Variants in PNMA6E observed in about 807,000 individuals in gnomAD.
The protein encoded by PNMA6E is paraneoplastic antigen Ma6E.
For missense variants in PNMA6E, 78 were observed against 50.8 expected, an observed-to-expected ratio of 1.53 and a Z score of -1.63; for synonymous variants, 43 against 17.1, an observed-to-expected ratio of 2.52 and a Z score of -3.74.
chrX:153,407,553 G>A, the PNMA6E span, among the ~76,000 whole-genome samples: 74 of 111,027 alleles, frequency 6.7e-4, no homozygotes, highest in Admixed American at 6.0e-3. Flanking sequence ...TTTATGTTTT[G>A]TAGAGATGGG....
At position 153,397,097 on chromosome X, in the gene PNMA6E, G is replaced by A. The variant is rs1490573962; in HGVS notation, c.1753C>T (p.Arg585Trp). ...AACACCCAGACAGCACTGCTCATCC[G>A]GGCTGGGGAGGAGCCCCAGGGGACC... ...IEVPWGSSPA[R>W]MSSAVWVFPR... Residue 585 changes from arginine (R) to tryptophan (W), a missense_variant, in exon 2 of 2, where the codon CGG becomes TGG. By Grantham distance (101) the Arg-to-Trp change is moderately radical. Transcript: ENST00000445091. 17 of 296,990 alleles carry A rather than the reference G, an allele frequency of 5.7e-5. No homozygotes were observed. Among genetic ancestry groups the A allele is most frequent in the South Asian group, 2.0e-4 (1 of 4,949 alleles). The allele number at this position is 296,990 out of a possible 1,213,427, so 24.5% of individuals were successfully genotyped here.
At chrX:153,411,728 G>A in the PNMA6E span, among the ~76,000 whole-genome samples, 1 of 113,061 alleles carries the variant, frequency 8.8e-6, no homozygotes, top group Non-Finnish European at 1.9e-5. Flanking sequence ...CTGGGCCGCA[G>A]GGGTGCGGGT....
upstream of PNMA6E, among the ~76,000 whole-genome samples, chrX:153,402,157 T>C (rs1202002819): frequency 9.0e-6 from 1 of 111,533 alleles, no homozygotes; most frequent in African/African-American, 3.3e-5. Flanking sequence ...GGCAGGAGTG[T>C]TAAAATCTCC....
chrX:153,405,770 C>T (rs964730755), upstream of PNMA6E, among the ~76,000 whole-genome samples: 54 of 111,214 alleles, frequency 4.9e-4, no homozygotes, highest in African/African-American at 1.7e-3. Context: ...ATCCCTCAGC[C>T]CCAATTAAGT....
At chrX:153,401,034 C>T in intron 1 of PNMA6E, among the ~76,000 whole-genome samples, 1 of 110,043 alleles carries the variant, frequency 9.1e-6, no homozygotes, top group Non-Finnish European at 1.9e-5. Context: ...CCGAGGGGGC[C>T]TTCCTTGGCG....
At chrX:153,412,323 G>A in the PNMA6E span, among the ~76,000 whole-genome samples, 54 of 112,367 alleles carry the variant, frequency 4.8e-4, no homozygotes, top group Admixed American at 4.9e-3. Context: ...GGCACCCAGC[G>A]CTTCCCTACA....
chrX:153,410,133 G>A, the PNMA6E span, among the ~76,000 whole-genome samples: 1 of 110,955 alleles, frequency 9.0e-6, no homozygotes, highest in Non-Finnish European at 1.9e-5. Flanking sequence ...CAGCTTCTGG[G>A]GGCCCTGGGC....
upstream of PNMA6E, among the ~76,000 whole-genome samples, chrX:153,403,643 T>TA (rs782289513): frequency 1.9e-3 from 215 of 110,343 alleles, 2 homozygotes; most frequent in Non-Finnish European, 3.3e-3. Flanking sequence ...GAGATGGGTT[T>TA]AAAAAAAAAT....
At position 153,397,746 on chromosome X, in the gene PNMA6E, G is replaced by A. The variant is rs182485276; in HGVS notation, c.1104C>T (p.Gly368=). 1,115 of 305,550 alleles carry A rather than the reference G, an allele frequency of 3.6e-3. 10 individuals carry two copies. Among genetic ancestry groups the A allele is most frequent in the African/African-American group, 0.028 (1,045 of 36,924 alleles). The allele number at this position is 305,550 out of a possible 1,213,427, so 25.2% of individuals were successfully genotyped here. ...CGCTCACGACTTCCAGGGCCGGGCC[G>A]CCCAAGCTCTCCAGCAGCCACCTCT... ...EKKRWLLESL[G]GPALEVVSGL... Residue 368 remains glycine, a synonymous_variant, in exon 2 of 2, where the codon GGC becomes GGT. Coordinates refer to ENST00000445091, the MANE Select transcript of PNMA6E (RefSeq NM_001367770.1).
intron 1 of PNMA6E, among the ~76,000 whole-genome samples, chrX:153,399,884 T>C (rs1370207608): frequency 5.3e-5 from 6 of 112,306 alleles, no homozygotes; most frequent in Non-Finnish European, 7.5e-5. Context: ...GACCACTTCC[T>C]TCCTTCCAAA....
rs2088817774 is a variant in PNMA6E, at chrX:153,397,593, C to T, written c.1257G>A (p.Gln419=). 3.3e-6 allele frequency: 1 copy of T among 299,037 alleles called. No individual in the cohort carries two copies. 24.6% of individuals were successfully genotyped at this position (299,037 alleles called of 1,213,427 possible). ...GCACCACGAAGGCAAACAGCCCCTCCTGGGGCCCCTGCGTGCAGGTCAGGA... is the reference window on the plus strand; with the variant it reads ...GCACCACGAAGGCAAACAGCCCCTCTTGGGGCCCCTGCGTGCAGGTCAGGA... ...LKFLTCTQGP[Q]EGLFAFVVRL... Residue 419 remains glutamine (Q), a synonymous_variant, in exon 2 of 2, where the codon CAG becomes CAA. Coordinates refer to ENST00000445091, the MANE Select transcript of PNMA6E (RefSeq NM_001367770.1).
chrX:153,402,045 C>T (rs1274507787), upstream of PNMA6E, among the ~76,000 whole-genome samples: 2 of 110,051 alleles, frequency 1.8e-5, no homozygotes, highest in Non-Finnish European at 3.8e-5. Context: ...GGATGGTCTC[C>T]ATCTCTTGAC....
chrX:153,409,075 G>A, the PNMA6E span, among the ~76,000 whole-genome samples: 1 of 112,925 alleles, frequency 8.9e-6, no homozygotes, highest in African/African-American at 3.2e-5. Flanking sequence ...GTGACCTGGC[G>A]GGTGCCCACG....
At position 153,398,126 on chromosome X, in the gene PNMA6E, C is replaced by T. The variant is rs1323413940; in HGVS notation, c.724G>A (p.Gly242Ser). The change falls in exon 2 of 2, where the codon GGT becomes AGT. Residue 242 changes from glycine to serine, a missense_variant. Gly to Ser is a moderately conservative substitution (Grantham distance 56). Coordinates refer to ENST00000445091, the MANE Select transcript of PNMA6E (RefSeq NM_001367770.1). ...CCCTCACCTGCGCCTCCTGCCTCAC[C>T]TGCTGCTCCTGCCTCACCTGCGCCT... ...AGGAGEAGAA[G>S]EAGGAGEGRA... The T allele has an allele frequency of 2.2e-6, 1 of 451,582 alleles. No individual in the cohort carries two copies. Among genetic ancestry groups the T allele is most frequent in the African/African-American group, 2.5e-5 (1 of 39,953 alleles). The allele number at this position is 451,582 out of a possible 1,213,427, so 37.2% of individuals were successfully genotyped here.
At chrX:153,406,684 G>A in the PNMA6E span, among the ~76,000 whole-genome samples, 1 of 112,878 alleles carries the variant, frequency 8.9e-6, no homozygotes, top group Non-Finnish European at 1.9e-5. Flanking sequence ...GCACATGCAC[G>A]CACAGACATG....
chrX:153,409,448 A>G, the PNMA6E span, among the ~76,000 whole-genome samples: 48 of 113,171 alleles, frequency 4.2e-4, no homozygotes, highest in East Asian at 5.7e-4. Flanking sequence ...GACCGCCGGG[A>G]GGGCCCGTGT....
At chrX:153,398,963 C>A in intron 1 of PNMA6E, 43 bp from the exon 2 acceptor site, 1 of 296,119 alleles carries the variant, frequency 3.4e-6, no homozygotes, top group Non-Finnish European at 5.9e-6. Context: ...CAAACACTCA[C>A]TCCCACCACT....
the PNMA6E span, among the ~76,000 whole-genome samples, chrX:153,413,162 T>C: frequency 9.0e-6 from 1 of 110,690 alleles, no homozygotes; most frequent in African/African-American, 3.3e-5. Flanking sequence ...TGGTGATGCC[T>C]GTCCCTTGCT....
the PNMA6E span, among the ~76,000 whole-genome samples, chrX:153,413,801 C>T: frequency 1.8e-5 from 2 of 112,323 alleles, no homozygotes; most frequent in African/African-American, 3.2e-5. Context: ...CAGGGTTTGT[C>T]GTGTCTTTCT....
Sources: gnomAD v4.1 joint callset for allele counts (sites outside exome capture counted in the v4.1 genomes callset) on GRCh38, gnomAD v4.1.1 for gene constraint, MANE v1.5 for transcripts, NCBI Gene and HGNC (gene_info 2026-07-23, HGNC 2026-07-21) for gene names.